SMPD4: variants seen among roughly 807,000 people sequenced by gnomAD.
SMPD4 encodes sphingomyelin phosphodiesterase 4, also known as neutral sphingomyelinase 3.
Under a neutral mutation model 97.8 loss-of-function variants are expected in SMPD4, and 58 were observed. The observed-to-expected ratio is 0.59, with a 90% CI of 0.48 to 0.74. The LOEUF is 0.74. Ranked by LOEUF, SMPD4 falls within the 30% of genes least tolerant of loss-of-function variation. The pLI is 0.00. For synonymous variants in SMPD4, 388 were observed against 450.0 expected (o/e 0.86, Z 1.74); for missense variants, 853 against 1,080.5 (o/e 0.79, Z 2.95).
At chr2:130,157,209 TG>T (rs764012615) in intron 12 of SMPD4, 41 bp downstream of exon 12, 6 of 1,549,646 alleles carry the variant, frequency 3.9e-6, no homozygotes, top group Non-Finnish European at 5.2e-6. Flanking sequence ...GAGGGGAAAG[TG>T]GGGGAGACGG....
Position 130,164,355 on chromosome 2 carries a change from A to G in SMPD4, c.864+19T>C. 6.2e-7 allele frequency: 1 copy of G among 1,609,784 alleles called. No homozygotes were observed. The highest frequency in any genetic ancestry group is 8.5e-7 in the Non-Finnish European group (1 of 1,176,022). On this transcript the variant is annotated intron_variant, in intron 10 of 19. Transcript: ENST00000680298. ...GCAGGGTCAGAAGCAGGAGGTGGGA[A>G]GAAAAACTGAAAACATACCTTGGCA...
rs746778279 is a variant in SMPD4, at chr2:130,155,127, G to A, written c.1422C>T (p.Ala474=). 1.2e-6 allele frequency: 2 copies of A among 1,614,216 alleles called. No homozygotes were observed. The highest frequency in any genetic ancestry group is 2.2e-5 in the South Asian group (2 of 91,088). ...LMVFRVAKVF[A]QPNLAEMIQK... ...GAATCATCTCAGCCAGGTTGGGCTGGGCAAAGACTTTGGCCACTCGGAACA... is the reference window on the plus strand; with the variant it reads ...GAATCATCTCAGCCAGGTTGGGCTGAGCAAAGACTTTGGCCACTCGGAACA... Residue 474 remains alanine (A), a synonymous_variant, in exon 15 of 20, where the codon GCC becomes GCT. Transcript: ENST00000680298.
chr2:130,161,380 A>T, intron 10 of SMPD4, 108 bp from the exon 11 acceptor site: 1 of 809,036 alleles, frequency 1.2e-6, no homozygotes, highest in Non-Finnish European at 2.1e-6. Flanking sequence ...GGAAGCGGAG[A>T]GAGAAAGAAA....
At chr2:130,157,540 C>A (rs769744557) in intron 11 of SMPD4, 144 bp from the exon 12 acceptor site, 2 of 1,453,278 alleles carry the variant, frequency 1.4e-6, no homozygotes, top group South Asian at 1.4e-5. Flanking sequence ...GTGGGGCCAC[C>A]CCATGGGGCA....
At chr2:130,176,697 A>C in intron 1 of SMPD4, 60 bp from the exon 2 acceptor site, 3 of 1,397,344 alleles carry the variant, frequency 2.1e-6, no homozygotes. Flanking sequence ...TTTTTATATT[A>C]TTTTTTTAGA....
chr2:130,171,137 T>TTTC (rs911739816), intron 8 of SMPD4, among the ~76,000 whole-genome samples: 1 of 148,816 alleles, frequency 6.7e-6, no homozygotes, highest in African/African-American at 2.5e-5. Flanking sequence ...TTTCTTTTCT[T>TTTC]TTTTTTTTTT....
chr2:130,155,983 A>C, intron 14 of SMPD4, 52 bp downstream of exon 14: 1 of 1,571,784 alleles, frequency 6.4e-7, no homozygotes, highest in East Asian at 2.3e-5. Flanking sequence ...CACTGGAACA[A>C]TATCCACCTG....
chr2:130,153,263 G>A, intron 18 of SMPD4, 56 bp downstream of exon 18: 1 of 1,612,692 alleles, frequency 6.2e-7, no homozygotes, highest in Non-Finnish European at 8.5e-7. Context: ...AGGGAGGAGG[G>A]AGCTGGGGAC....
chr2:130,181,100 C>T (rs1165359871), intron 1 of SMPD4, among the ~76,000 whole-genome samples: 1 of 152,212 alleles, frequency 6.6e-6, no homozygotes, highest in East Asian at 1.9e-4. Flanking sequence ...TTGTTCCCAA[C>T]TCTCCTGCCA....
intron 9 of SMPD4, among the ~76,000 whole-genome samples, chr2:130,166,308 CAAAAAAAAA>C (rs56226182): frequency 4.6e-4 from 28 of 60,902 alleles, no homozygotes; most frequent in African/African-American, 1.6e-3. Flanking sequence ...GACTCCATCT[CAAAAAAAAA>C]AAAAAAAAAA....
chr2:130,165,171 A>C (rs1687812896), intron 9 of SMPD4, among the ~76,000 whole-genome samples: 1 of 151,392 alleles, frequency 6.6e-6, no homozygotes, highest in African/African-American at 2.4e-5. Flanking sequence ...CTGTAATCCC[A>C]ACACTTTGGG....
chr2:130,173,410 C>T, intron 4 of SMPD4, 56 bp from the exon 5 acceptor site: 2 of 1,603,704 alleles, frequency 1.2e-6, no homozygotes, highest in Non-Finnish European at 1.7e-6. Context: ...TGCGAATTAT[C>T]TTGCTTTGAT....
intron 10 of SMPD4, among the ~76,000 whole-genome samples, chr2:130,164,148 G>A (rs926372342): frequency 6.6e-6 from 1 of 152,204 alleles, no homozygotes; most frequent in African/African-American, 2.4e-5. Context: ...GGAGAGGCCA[G>A]ACTTCCAGGC....
At chr2:130,178,610 C>T (rs1296409434) in intron 1 of SMPD4, among the ~76,000 whole-genome samples, 1 of 151,978 alleles carries the variant, frequency 6.6e-6, no homozygotes, top group Non-Finnish European at 1.5e-5. Flanking sequence ...GTCTGGCCAA[C>T]GTGGCAAAAC....
chr2:130,173,679 C>T (rs373607016), intron 3 of SMPD4, 23 bp from the exon 4 acceptor site: 8 of 1,613,378 alleles, frequency 5.0e-6, no homozygotes, highest in African/African-American at 2.7e-5. Context: ...GTGGTGAAGC[C>T]GCGTGCAGGA....
intron 8 of SMPD4, among the ~76,000 whole-genome samples, chr2:130,169,496 G>A (rs1422230622): frequency 6.6e-6 from 1 of 151,952 alleles, no homozygotes; most frequent in Non-Finnish European, 1.5e-5. Flanking sequence ...ATACAATAGA[G>A]GTGGAAACCA....
rs1223601498 is a variant in SMPD4, at chr2:130,172,255, G to A, written c.659+94C>T. On this transcript the variant is annotated intron_variant, in intron 8 of 19. Coordinates refer to ENST00000680298, the MANE Select transcript of SMPD4 (RefSeq NM_017951.5). ...GGCATAAGAAAAATTGGGGAACCGT[G>A]GACAAAGGGTGGCAACATTGTCCCC... The A allele has an allele frequency of 2.2e-6, 3 of 1,362,124 alleles. No individual in the cohort carries two copies. In the East Asian group the frequency reaches 7.1e-5, roughly 32 times the overall value. 84.4% of individuals were successfully genotyped at this position (1,362,124 alleles called of 1,614,324 possible).
At chr2:130,156,184 T>A in intron 13 of SMPD4, 49 bp from the exon 14 acceptor site, 1 of 1,539,600 alleles carries the variant, frequency 6.5e-7, no homozygotes, top group Non-Finnish European at 8.9e-7. Flanking sequence ...GGCCAAATAC[T>A]CGGTGGCCTG....
At chr2:130,163,757 C>T (rs1259913115) in intron 10 of SMPD4, among the ~76,000 whole-genome samples, 1 of 152,224 alleles carries the variant, frequency 6.6e-6, no homozygotes, top group Non-Finnish European at 1.5e-5. Flanking sequence ...ACGGCAACAG[C>T]AGGAATGACC....
Sources: gnomAD v4.1 joint callset for allele counts (sites outside exome capture counted in the v4.1 genomes callset) on GRCh38, gnomAD v4.1.1 for gene constraint, MANE v1.5 for transcripts, NCBI Gene and HGNC (gene_info 2026-07-23, HGNC 2026-07-21) for gene names.